EWSR1: variants seen among roughly 807,000 people sequenced by gnomAD.
EWSR1 encodes the protein RNA-binding protein EWS.
A neutral mutation model predicts 92.1 loss-of-function variants in EWSR1; 14 were observed. The ratio of observed to expected loss-of-function variants is 0.15; its 90% CI spans 0.10 to 0.24. The LOEUF is 0.24. EWSR1 is among the 10% of genes least tolerant of loss of function. EWSR1 has a pLI of 1.00. For synonymous variants in EWSR1, 303 were observed against 292.9 expected (o/e 1.03, Z -0.35); for missense variants, 637 against 870.9 (o/e 0.73, Z 3.38).
chr22:29,279,461 C>A (rs1357197828), intron 5 of EWSR1, among the ~76,000 whole-genome samples: 1 of 152,218 alleles, frequency 6.6e-6, no homozygotes, highest in Non-Finnish European at 1.5e-5. Flanking sequence ...AAATTCTTAA[C>A]TGGGTACCCT....
At position 29,273,741 on chromosome 22, in the gene EWSR1, G is replaced by A. The variant is rs753624585; in HGVS notation, c.103G>A (p.Ala35Thr). ...TTGCATTCGTTTTTTTTTGGAGCAGGCATATGGGCAACAAAGCTATGGAAC... is the reference window on the plus strand; with the variant it reads ...TTGCATTCGTTTTTTTTTGGAGCAGACATATGGGCAACAAAGCTATGGAAC... ...PTQGYAQTTQ[A>T]YGQQSYGTYG... The change falls in exon 4 of 17, where the codon GCA (alanine) becomes ACA (threonine). Residue 35 changes from alanine to threonine, a missense_variant and splice_region_variant. Coordinates refer to ENST00000397938, the MANE Select transcript of EWSR1 (RefSeq NM_005243.4). 8.7e-6 allele frequency: 14 copies of A among 1,609,806 alleles called. No homozygotes were observed. The highest frequency in any genetic ancestry group is 1.2e-5 in the Non-Finnish European group (14 of 1,178,834).
chr22:29,269,873 T>A (rs898226493), intron 1 of EWSR1, among the ~76,000 whole-genome samples: 1 of 152,250 alleles, frequency 6.6e-6, no homozygotes, highest in Non-Finnish European at 1.5e-5. Context: ...TTCAGTCAAC[T>A]TTGTTCAAAC....
intron 13 of EWSR1, among the ~76,000 whole-genome samples, chr22:29,298,507 CAAA>C (rs35896020): frequency 4.7e-5 from 5 of 107,206 alleles, no homozygotes; most frequent in Admixed American, 9.9e-5. Flanking sequence ...ACTCCGTCTC[CAAA>C]AAAAAAAAAA....
chr22:29,298,720 G>T lies in EWSR1; in HGVS notation c.1418-13G>T. On this transcript the variant is annotated splice_polypyrimidine_tract_variant and intron_variant, in intron 13 of 16. Coordinates refer to ENST00000397938, the MANE Select transcript of EWSR1 (RefSeq NM_005243.4). ...GAGAAATGATTTGCTGTTTCTTGTT[G>T]TTCTTGTTGTAGGTCCAGGAGGCCC... 1.2e-6 allele frequency: 2 copies of T among 1,612,530 alleles called. No homozygotes were observed. The highest frequency in any genetic ancestry group is 1.7e-6 in the Non-Finnish European group (2 of 1,179,682).
intron 8 of EWSR1, chr22:29,290,949 C>G (rs2060398879): frequency 4.2e-6 from 1 of 238,460 alleles, no homozygotes; most frequent in Non-Finnish European, 8.2e-6. Context: ...GTTGCACCCC[C>G]AGTCCGTTGA....
chr22:29,297,229 C>T (rs558967808), intron 12 of EWSR1, among the ~76,000 whole-genome samples: 41 of 152,332 alleles, frequency 2.7e-4, no homozygotes, highest in African/African-American at 9.6e-4. Context: ...CAGCTTACTG[C>T]AACCTCCACC....
At chr22:29,282,775 T>C (rs184080140) in intron 6 of EWSR1, among the ~76,000 whole-genome samples, 8,062 of 149,886 alleles carry the variant, frequency 0.054, 268 homozygotes, top group Non-Finnish European at 0.078. Flanking sequence ...TTTTTTTTTT[T>C]CCCCCGAGAC....
intron 4 of EWSR1, chr22:29,276,608 C>CT (rs1399307382): frequency 4.4e-6 from 1 of 226,656 alleles, no homozygotes; most frequent in Non-Finnish European, 8.8e-6. Context: ...AATATGGAAG[C>CT]TTTTTCTTTA....
chr22:29,276,531 A>G (rs1363723269), intron 4 of EWSR1: 3 of 224,460 alleles, frequency 1.3e-5, no homozygotes, highest in African/African-American at 6.7e-5. Flanking sequence ...TCTGGCCAGT[A>G]CATGAGGACA....
At chr22:29,300,055 C>G (rs201944550) in intron 16 of EWSR1, 67 bp from the exon 17 acceptor site, 6 of 1,361,480 alleles carry the variant, frequency 4.4e-6, no homozygotes, top group Non-Finnish European at 6.1e-6. Context: ...GAAGGGGCAC[C>G]TGGGGGCTCT....
chr22:29,278,292 C>A, intron 5 of EWSR1, 76 bp downstream of exon 5: 1 of 1,429,194 alleles, frequency 7.0e-7, no homozygotes, highest in Admixed American at 2.2e-5. Context: ...TTAAAATAAT[C>A]TGTGGTTTAG....
intron 13 of EWSR1, among the ~76,000 whole-genome samples, chr22:29,298,322 G>A (rs140066): frequency 0.63 from 95,800 of 151,880 alleles, 30,734 homozygotes; most frequent in African/African-American, 0.75. Context: ...CCTGGCCAAC[G>A]TGGTGAAACT....
chr22:29,275,369 C>T (rs2059022791), intron 4 of EWSR1, among the ~76,000 whole-genome samples: 1 of 152,090 alleles, frequency 6.6e-6, no homozygotes, highest in Non-Finnish European at 1.5e-5. Context: ...ATCACATTGT[C>T]GTTGGTTGAG....
At chr22:29,274,906 T>TTA (rs1048761507) in intron 4 of EWSR1, among the ~76,000 whole-genome samples, 14 of 152,196 alleles carry the variant, frequency 9.2e-5, no homozygotes, top group Admixed American at 5.9e-4. Context: ...ATTATTGCTG[T>TTA]TATAAAAGAC....
rs2060231249 is a variant in EWSR1, at chr22:29,288,700, C to T, written c.888C>T (p.Gly296=). Residue 296 remains glycine, a synonymous_variant, in exon 8 of 17, where the codon GGC becomes GGT. Transcript: ENST00000397938. ...CAGGAGAGAACCGGAGCATGAGTGG[C>T]CCTGATAACCGGGGCAGGGGAAGAG... ...SGPGENRSMS[G]PDNRGRGRGG... The T allele has an allele frequency of 1.2e-6, 2 of 1,613,708 alleles. No individual in the cohort carries two copies. Among genetic ancestry groups the T allele is most frequent in the Admixed American group, 1.7e-5 (1 of 59,958 alleles).
chr22:29,295,463 C>CA (rs1158371502), intron 11 of EWSR1: 2 of 208,176 alleles, frequency 9.6e-6, no homozygotes, highest in Non-Finnish European at 2.0e-5. Flanking sequence ...CTCTGTCTCA[C>CA]AAAAAAGAAA....
chr22:29,268,845 G>A (rs1052473890), intron 1 of EWSR1, among the ~76,000 whole-genome samples: 1 of 152,250 alleles, frequency 6.6e-6, no homozygotes, highest in East Asian at 1.9e-4. Flanking sequence ...GTGGGCCGAG[G>A]GGTGCCGGCC....
intron 1 of EWSR1, among the ~76,000 whole-genome samples, chr22:29,270,370 T>TA (rs1013469888): frequency 6.6e-6 from 1 of 152,078 alleles, no homozygotes; most frequent in Non-Finnish European, 1.5e-5. Flanking sequence ...GTGGCTCACT[T>TA]TTGGGGGTTA....
intron 7 of EWSR1, among the ~76,000 whole-genome samples, chr22:29,287,892 T>C (rs2060166276): frequency 6.6e-6 from 1 of 152,026 alleles, no homozygotes; most frequent in Admixed American, 6.6e-5. Context: ...AGGGGAAAAA[T>C]GGCCAGGCAT....
Sources: allele counts gnomAD v4.1 joint callset (sites outside exome capture counted in the v4.1 genomes callset), GRCh38; gene constraint gnomAD v4.1.1; transcripts MANE v1.5; gene names NCBI Gene and HGNC (gene_info 2026-07-23, HGNC 2026-07-21).